Variants in MAP3K13 observed in about 807,000 individuals in gnomAD.
MAP3K13 encodes the protein leucine zipper-bearing kinase.
A neutral mutation model predicts 104.0 loss-of-function variants in MAP3K13; 52 were observed. The observed-to-expected ratio is 0.50, with a 90% confidence interval of 0.40 to 0.63. The LOEUF (loss-of-function observed/expected upper bound fraction) is 0.63. Ranked by LOEUF, MAP3K13 falls within the 20% of genes least tolerant of loss-of-function variation. The probability of loss-of-function intolerance (pLI) is 0.00; values close to 1 mark genes in which losing one functional copy is unlikely to be tolerated. For synonymous variants in MAP3K13, 394 were observed against 442.2 expected, an observed-to-expected ratio of 0.89 and a Z score of 1.37; for missense variants, 914 against 1,218.5, an observed-to-expected ratio of 0.75 and a Z score of 3.72.
intron 1 of MAP3K13, among the ~76,000 whole-genome samples, chr3:185,404,249 A>G (rs930355836): frequency 6.6e-6 from 1 of 152,254 alleles, no homozygotes; most frequent in South Asian, 2.1e-4. Context: ...GGAAATTTTA[A>G]ACACAAAAGA....
At chr3:185,359,320 C>G (rs369399206), upstream of MAP3K13, among the ~76,000 whole-genome samples, 1 of 152,180 alleles carries the variant, frequency 6.6e-6, no homozygotes, top group African/African-American at 2.4e-5. Flanking sequence ...TTCAATTACC[C>G]CCCACCAGAT....
At position 185,451,346 on chromosome 3, in the gene MAP3K13, C is replaced by T; in HGVS notation, c.1229C>T (p.Ala410Val). 2.5e-6 allele frequency: 4 copies of T among 1,613,716 alleles called. No individual in the cohort carries two copies. The highest frequency in any genetic ancestry group is 3.4e-6 in the Non-Finnish European group (4 of 1,179,708). The part of the protein sequence containing the change: ...FRQTLMHLDI[A>V]SADVLATPQE... ...CAGACACTCATGCATTTAGACATTG[C>T]CTCTGCAGATGTACTTGCCACCCCA... Residue 410 changes from alanine (A) to valine (V), a missense_variant, in exon 7 of 14, where the codon GCC (alanine) becomes GTC (valine). By Grantham distance (64) the Ala-to-Val change is moderately conservative. Transcript: ENST00000265026.
intron 11 of MAP3K13, chr3:185,476,913 G>C (rs1428556143): frequency 3.2e-6 from 1 of 316,956 alleles, no homozygotes; most frequent in Non-Finnish European, 6.2e-6. Flanking sequence ...AAGGGAAAAA[G>C]TAATTGTTCG....
chr3:185,352,697 T>C (rs1477824388), intron 2 of MAP3K13, among the ~76,000 whole-genome samples: 2 of 152,218 alleles, frequency 1.3e-5, no homozygotes, highest in East Asian at 3.8e-4. Flanking sequence ...ATAGATGGCA[T>C]GCATTAAAAA....
intron 1 of MAP3K13, among the ~76,000 whole-genome samples, chr3:185,391,369 C>T (rs932152205): frequency 1.3e-5 from 2 of 152,194 alleles, no homozygotes; most frequent in East Asian, 3.9e-4. Flanking sequence ...ATAATGTCTT[C>T]AAGACTTATC....
At chr3:185,437,091 G>A (rs531296014) in intron 2 of MAP3K13, among the ~76,000 whole-genome samples, 9 of 149,212 alleles carry the variant, frequency 6.0e-5, no homozygotes, top group South Asian at 4.3e-4. Context: ...AAATAACACC[G>A]ATAGTGGGTG....
At chr3:185,358,082 T>TA (rs1389027028) in intron 2 of MAP3K13, among the ~76,000 whole-genome samples, 1 of 152,174 alleles carries the variant, frequency 6.6e-6, no homozygotes, top group African/African-American at 2.4e-5. Context: ...GTGCTTATCA[T>TA]AAAAAAGAAT....
intron 1 of MAP3K13, among the ~76,000 whole-genome samples, chr3:185,387,058 TA>T (rs1002063495): frequency 6.6e-6 from 1 of 152,100 alleles, no homozygotes; most frequent in African/African-American, 2.4e-5. Flanking sequence ...TCTCTGAACT[TA>T]AAATAAAAGT....
At chr3:185,440,217 T>C (rs1164887601) in intron 3 of MAP3K13, among the ~76,000 whole-genome samples, 1 of 152,158 alleles carries the variant, frequency 6.6e-6, no homozygotes, top group Admixed American at 6.5e-5. Flanking sequence ...AGGTAGCAAT[T>C]AGAAGTGATT....
At chr3:185,314,967 T>G (rs1226838514) in intron 2 of MAP3K13, among the ~76,000 whole-genome samples, 2 of 152,000 alleles carry the variant, frequency 1.3e-5, no homozygotes, top group Non-Finnish European at 2.9e-5. Flanking sequence ...AACTGATACA[T>G]GTTGGCCAGG....
chr3:185,390,705 C>T (rs1203561070), intron 1 of MAP3K13, among the ~76,000 whole-genome samples: 1 of 149,540 alleles, frequency 6.7e-6, no homozygotes, highest in African/African-American at 2.5e-5. Context: ...CTCACTGTAA[C>T]CTCTGCCTCC....
rs762408487 is a variant in MAP3K13, at chr3:185,428,835, T to C, written c.254T>C (p.Leu85Pro). 1 of 1,614,140 alleles carries C rather than the reference T, an allele frequency of 6.2e-7. No homozygotes were observed. The highest frequency in any genetic ancestry group is 1.3e-5 in the African/African-American group (1 of 75,024). ...AGGGACCAGTTTGAGAACAGCGTTCTTCAGCTAAGGGAACACGATGAATCA... is the reference window on the plus strand; with the variant it reads ...AGGGACCAGTTTGAGAACAGCGTTCCTCAGCTAAGGGAACACGATGAATCA... ...DSRDQFENSV[L>P]QLREHDESET... Residue 85 changes from leucine to proline, a missense_variant, in exon 2 of 14, where the codon CTT (leucine) becomes CCT (proline). By Grantham distance (98) the Leu-to-Pro change is moderately conservative. Coordinates refer to ENST00000265026, the MANE Select transcript of MAP3K13 (RefSeq NM_004721.5).
At chr3:185,357,447 T>TAAAAAAAAAA (rs71162295) in intron 2 of MAP3K13, among the ~76,000 whole-genome samples, 6 of 91,398 alleles carry the variant, frequency 6.6e-5, no homozygotes, top group African/African-American at 8.1e-5. Flanking sequence ...AAACTCCATC[T>TAAAAAAAAAA]AAAAAAAAAA....
At chr3:185,411,840 G>A (rs1359064330) in intron 1 of MAP3K13, among the ~76,000 whole-genome samples, 2 of 147,698 alleles carry the variant, frequency 1.4e-5, no homozygotes, top group South Asian at 2.1e-4. Context: ...GCTGGAATGC[G>A]GTGGCATGAT....
intron 2 of MAP3K13, among the ~76,000 whole-genome samples, chr3:185,326,415 A>G (rs557281190): frequency 6.6e-6 from 1 of 152,206 alleles, no homozygotes; most frequent in South Asian, 2.1e-4. Context: ...CAGCTTATCT[A>G]TTGATCCAGA....
chr3:185,424,208 G>A (rs1012103420), intron 1 of MAP3K13, among the ~76,000 whole-genome samples: 4 of 152,194 alleles, frequency 2.6e-5, no homozygotes, highest in African/African-American at 7.2e-5. Context: ...CCTCTTTGTA[G>A]GCCTTCATTT....
rs781365143 is a variant in MAP3K13 at position 185,477,312 on chromosome 3, C to G, written c.2431-14C>G. 20 of 1,558,550 alleles carry G rather than the reference C, an allele frequency of 1.3e-5. No homozygotes were observed. The highest frequency in any genetic ancestry group is 1.7e-5 in the Non-Finnish European group (19 of 1,129,758). On this transcript the variant is annotated splice_polypyrimidine_tract_variant and intron_variant, in intron 11 of 13. Transcript: ENST00000265026. The stretch of plus-strand genomic sequence containing the variant: ...ACTAAAATAAATAAAACTCTTAATC[C>G]TTGTTCTCCTCAGAGTGGAGATGAC...
At position 185,466,482 on chromosome 3, in the gene MAP3K13, TTC is replaced by T. The variant is rs1484985451; in HGVS notation, c.1506-341_1506-340del. ...ACCTCCGCCTCCCGGATTCAAGTGA[TTC>T]TCCTGCCTCAGCCTCCTGAGTAGCT... On this transcript the variant is annotated intron_variant, in intron 9 of 13. Coordinates refer to ENST00000265026, the MANE Select transcript of MAP3K13 (RefSeq NM_004721.5). Among the ~76,000 whole-genome samples, 3 of 151,688 alleles carry T rather than the reference TTC, an allele frequency of 2.0e-5. No homozygotes were observed. The East Asian group carries it at 5.8e-4, about 29-fold the overall frequency.
upstream of MAP3K13, among the ~76,000 whole-genome samples, chr3:185,360,644 A>G (rs1402337237): frequency 6.6e-6 from 1 of 151,964 alleles, no homozygotes; most frequent in African/African-American, 2.4e-5. Context: ...AAAGCCCCCA[A>G]GTTTTTATTT....
Sources: allele counts gnomAD v4.1 joint callset (sites outside exome capture counted in the v4.1 genomes callset), GRCh38; gene constraint gnomAD v4.1.1; transcripts MANE v1.5; gene names NCBI Gene and HGNC (gene_info 2026-07-23, HGNC 2026-07-21).